PPARGC1A: variants seen among roughly 807,000 people sequenced by gnomAD.
The protein encoded by PPARGC1A is peroxisome proliferator-activated receptor gamma coactivator 1-alpha.
In PPARGC1A, 25 loss-of-function variants were observed where a neutral mutation model predicts 88.7. The observed-to-expected ratio is 0.28, with a 90% CI of 0.21 to 0.39. The LOEUF is 0.39. PPARGC1A is among the 10% of genes least tolerant of loss of function. The probability of loss-of-function intolerance (pLI) is 1.00; values close to 1 mark genes in which losing one functional copy is unlikely to be tolerated. For synonymous variants in PPARGC1A, 363 were observed against 355.6 expected (o/e 1.02, Z -0.24); for missense variants, 880 against 968.7 (o/e 0.91, Z 1.22).
intron 2 of PPARGC1A, among the ~76,000 whole-genome samples, chr4:23,872,335 C>T (rs1030320018): frequency 4.6e-5 from 7 of 152,162 alleles, no homozygotes; most frequent in African/African-American, 1.7e-4. Context: ...ACTCCCTGGC[C>T]ACCCAGCACT....
the PPARGC1A span, among the ~76,000 whole-genome samples, chr4:24,398,346 T>C: frequency 9.7e-4 from 148 of 152,332 alleles, 4 homozygotes; most frequent in African/African-American, 3.5e-3. Flanking sequence ...AATAGTTAAT[T>C]TATGGTGGCT....
chr4:23,908,285 C>G (rs183584967), upstream of PPARGC1A, among the ~76,000 whole-genome samples: 12 of 151,988 alleles, frequency 7.9e-5, no homozygotes, highest in African/African-American at 2.9e-4. Context: ...AGGCGAAATG[C>G]AGTAATTTCT....
At chr4:23,893,713 A>G (rs1718177958), upstream of PPARGC1A, among the ~76,000 whole-genome samples, 1 of 152,184 alleles carries the variant, frequency 6.6e-6, no homozygotes, top group Non-Finnish European at 1.5e-5. Flanking sequence ...TCTCTCTTAC[A>G]CACAGCAGAA....
At chr4:23,957,815 A>G in the PPARGC1A span, among the ~76,000 whole-genome samples, 1 of 152,146 alleles carries the variant, frequency 6.6e-6, no homozygotes, top group Non-Finnish European at 1.5e-5. Context: ...GGTGATATTT[A>G]TAATTTTATT....
the PPARGC1A span, among the ~76,000 whole-genome samples, chr4:23,977,423 A>C: frequency 6.6e-6 from 1 of 152,268 alleles, no homozygotes; most frequent in Non-Finnish European, 1.5e-5. Context: ...AAGGAAGCTT[A>C]GCTATCTGTA....
chr4:23,965,849 G>T, the PPARGC1A span, among the ~76,000 whole-genome samples: 1 of 152,150 alleles, frequency 6.6e-6, no homozygotes, highest in Non-Finnish European at 1.5e-5. Flanking sequence ...CCATAAATTT[G>T]ACATAAATAA....
At chr4:24,028,627 A>AATACT in the PPARGC1A span, among the ~76,000 whole-genome samples, 6 of 152,314 alleles carry the variant, frequency 3.9e-5, no homozygotes, top group African/African-American at 1.4e-4. Context: ...CCTGCCTTGC[A>AATACT]ATACTGGCTC....
At chr4:24,133,766 G>A in the PPARGC1A span, among the ~76,000 whole-genome samples, 93 of 152,294 alleles carry the variant, frequency 6.1e-4, no homozygotes, top group Admixed American at 1.3e-3. Context: ...TCAGCAACAG[G>A]TTTATTTGCC....
chr4:24,458,825 T>C, the PPARGC1A span, among the ~76,000 whole-genome samples: 1 of 152,196 alleles, frequency 6.6e-6, no homozygotes, highest in Non-Finnish European at 1.5e-5. Context: ...ATATGAAATA[T>C]TATATGGCAG....
the PPARGC1A span, among the ~76,000 whole-genome samples, chr4:24,199,098 T>C: frequency 1.3e-5 from 2 of 152,166 alleles, no homozygotes; most frequent in Admixed American, 6.5e-5. Flanking sequence ...GAAGGATGTA[T>C]ACTGTCTGTC....
intron 2 of PPARGC1A, among the ~76,000 whole-genome samples, chr4:23,880,467 T>C (rs1021929943): frequency 3.3e-5 from 5 of 152,208 alleles, no homozygotes; most frequent in African/African-American, 1.2e-4. Flanking sequence ...AAAATGTCAG[T>C]GAACAAGACA....
chr4:23,887,139 G>A (rs112215652), intron 1 of PPARGC1A, among the ~76,000 whole-genome samples: 4,787 of 152,258 alleles, frequency 0.031, 110 homozygotes, highest in Non-Finnish European at 0.05. Flanking sequence ...AGGTCAATTT[G>A]TTGTATTGGT....
chr4:24,158,919 C>T, the PPARGC1A span, among the ~76,000 whole-genome samples: 2 of 152,140 alleles, frequency 1.3e-5, no homozygotes, highest in Admixed American at 1.3e-4. Flanking sequence ...ATACCTTTTC[C>T]TACATCTTAT....
intron 2 of PPARGC1A, among the ~76,000 whole-genome samples, chr4:23,859,524 G>A (rs568489789): frequency 6.6e-6 from 1 of 152,184 alleles, no homozygotes; most frequent in African/African-American, 2.4e-5. Context: ...GCTCACGCCT[G>A]TAATCCCAGT....
the PPARGC1A span, among the ~76,000 whole-genome samples, chr4:24,254,594 C>G: frequency 2.6e-4 from 39 of 152,250 alleles, no homozygotes; most frequent in African/African-American, 8.9e-4. Flanking sequence ...TAAATACAAC[C>G]AACTAAAAAT....
the PPARGC1A span, among the ~76,000 whole-genome samples, chr4:24,339,666 C>T: frequency 6.6e-6 from 1 of 152,340 alleles, no homozygotes; most frequent in South Asian, 2.1e-4. Flanking sequence ...CGCTCAAAGT[C>T]ACCTTCTCTG....
the PPARGC1A span, among the ~76,000 whole-genome samples, chr4:23,944,022 T>A: frequency 6.6e-6 from 1 of 152,086 alleles, no homozygotes; most frequent in Non-Finnish European, 1.5e-5. Context: ...AAATGAAATG[T>A]GGTGTCCTAG....
the PPARGC1A span, among the ~76,000 whole-genome samples, chr4:24,120,664 G>T: frequency 6.6e-6 from 1 of 152,114 alleles, no homozygotes; most frequent in African/African-American, 2.4e-5. Context: ...GGGAGGTGGG[G>T]TCTTTGGAAG....
the PPARGC1A span, among the ~76,000 whole-genome samples, chr4:24,153,136 A>G: frequency 1.4e-3 from 213 of 152,314 alleles, 1 homozygote; most frequent in African/African-American, 5.0e-3. Flanking sequence ...GAAGGTAACT[A>G]TAGAGGAGCA....
Sources: gnomAD v4.1 joint callset for allele counts (sites outside exome capture counted in the v4.1 genomes callset) on GRCh38, gnomAD v4.1.1 for gene constraint, MANE v1.5 for transcripts, NCBI Gene and HGNC (gene_info 2026-07-23, HGNC 2026-07-21) for gene names.